The following ACYP2 variants were observed in gnomAD, a reference collection of about 807,000 sequenced individuals.
ACYP2 encodes the protein acylphosphatase 2.
ACYP2 carries 12 observed loss-of-function variants against 11.2 expected under a neutral mutation model. That is an observed-to-expected ratio of 1.08 (90% confidence interval 0.69 to 1.74). ACYP2 has a LOEUF of 1.74. Ranked by LOEUF, ACYP2 falls within the 40% of genes most tolerant of loss-of-function variation. The pLI is 0.00. For synonymous variants in ACYP2, 43 were observed against 32.2 expected, an observed-to-expected ratio of 1.33 and a Z score of -1.13; for missense variants, 134 against 101.9, an observed-to-expected ratio of 1.31 and a Z score of -1.35.
chr2:54,071,173 T>C (rs1398439252), intron 4 of ACYP2, among the ~76,000 whole-genome samples: 2 of 152,194 alleles, frequency 1.3e-5, no homozygotes, highest in Admixed American at 1.3e-4. Context: ...AACCCACAGA[T>C]AACATCACGC....
intron 4 of ACYP2, among the ~76,000 whole-genome samples, chr2:54,062,083 A>C (rs571304628): frequency 3.9e-4 from 59 of 152,308 alleles, no homozygotes; most frequent in African/African-American, 1.4e-3. Flanking sequence ...GAGATATTAC[A>C]AACTATTGTT....
intron 4 of ACYP2, among the ~76,000 whole-genome samples, chr2:54,107,373 A>G (rs1679221078): frequency 6.6e-6 from 1 of 152,082 alleles, no homozygotes; most frequent in Admixed American, 6.5e-5. Context: ...TTTTGTTACT[A>G]TTCTTAGCTT....
chr2:54,168,065 C>T (rs45519036), intron 6 of ACYP2, among the ~76,000 whole-genome samples: 10,507 of 152,152 alleles, frequency 0.069, 516 homozygotes, highest in Non-Finnish European at 0.1. Context: ...ATGTACATTT[C>T]TCAAAACTGT....
intron 6 of ACYP2, among the ~76,000 whole-genome samples, chr2:54,143,934 G>T (rs1456277798): frequency 6.6e-6 from 1 of 151,944 alleles, no homozygotes; most frequent in Non-Finnish European, 1.5e-5. Flanking sequence ...TCTCAATGTT[G>T]ACCTTTAACC....
intron 2 of ACYP2, among the ~76,000 whole-genome samples, chr2:54,007,691 C>T (rs909187876): frequency 2.0e-5 from 3 of 151,564 alleles, no homozygotes; most frequent in Non-Finnish European, 4.4e-5. Flanking sequence ...ATGCGGAAAC[C>T]CTGTCTCTAC....
intron 6 of ACYP2, among the ~76,000 whole-genome samples, chr2:54,270,098 G>A (rs1688214324): frequency 6.6e-6 from 1 of 152,106 alleles, no homozygotes; most frequent in Non-Finnish European, 1.5e-5. Context: ...TATTTTTGAA[G>A]ATTTGGATAA....
At chr2:54,278,606 G>A (rs1415064905) in intron 6 of ACYP2, among the ~76,000 whole-genome samples, 1 of 152,176 alleles carries the variant, frequency 6.6e-6, no homozygotes, top group Non-Finnish European at 1.5e-5. Flanking sequence ...TGGAAAAGTA[G>A]AGAATTGTTG....
chr2:54,096,794 C>A (rs988322560), intron 4 of ACYP2, among the ~76,000 whole-genome samples: 2 of 148,508 alleles, frequency 1.3e-5, no homozygotes, highest in Admixed American at 1.4e-4. Context: ...TACAGTCCAG[C>A]CTTGGCTCGG....
At chr2:54,251,051 T>C (rs1438096140) in intron 6 of ACYP2, among the ~76,000 whole-genome samples, 2 of 152,202 alleles carry the variant, frequency 1.3e-5, no homozygotes, top group Non-Finnish European at 2.9e-5. Flanking sequence ...GATTTGATGA[T>C]CTATTTGGCT....
At chr2:54,177,661 T>C (rs531844788) in intron 6 of ACYP2, among the ~76,000 whole-genome samples, 39 of 151,452 alleles carry the variant, frequency 2.6e-4, no homozygotes, top group African/African-American at 8.5e-4. Context: ...CACTGCAACC[T>C]GTGCCTCCCA....
At chr2:54,281,630 C>G (rs1688853794) in intron 6 of ACYP2, among the ~76,000 whole-genome samples, 1 of 152,116 alleles carries the variant, frequency 6.6e-6, no homozygotes, top group Non-Finnish European at 1.5e-5. Context: ...GAAGTTCCTT[C>G]TAGGCTCTGG....
intron 2 of ACYP2, among the ~76,000 whole-genome samples, chr2:54,020,778 CTTGT>C (rs1322897169): frequency 2.6e-5 from 4 of 152,084 alleles, no homozygotes; most frequent in South Asian, 4.1e-4. Flanking sequence ...TATTTTGTTT[CTTGT>C]TTAATTTTAG....
intron 2 of ACYP2, among the ~76,000 whole-genome samples, chr2:54,046,482 T>TAAA (rs34695884): frequency 1.1e-5 from 1 of 88,784 alleles, no homozygotes. Context: ...CAAGACTGTC[T>TAAA]AAAAAAAAAA....
intron 4 of ACYP2, among the ~76,000 whole-genome samples, chr2:54,094,221 GA>G (rs1272552049): frequency 6.7e-5 from 10 of 148,158 alleles, no homozygotes; most frequent in Non-Finnish European, 1.2e-4. Context: ...ATGGTGGGGA[GA>G]AAAAAAATTT....
At chr2:54,067,062 A>T (rs1676787737) in intron 4 of ACYP2, among the ~76,000 whole-genome samples, 1 of 152,212 alleles carries the variant, frequency 6.6e-6, no homozygotes, top group Non-Finnish European at 1.5e-5. Flanking sequence ...CACTTTTGTC[A>T]TGTAACATTT....
intron 4 of ACYP2, among the ~76,000 whole-genome samples, chr2:54,097,614 C>G (rs990053261): frequency 6.6e-6 from 1 of 151,580 alleles, no homozygotes; most frequent in African/African-American, 2.4e-5. Flanking sequence ...GTATGGTGAA[C>G]CCTAGGAATC....
intron 2 of ACYP2, among the ~76,000 whole-genome samples, chr2:54,002,941 C>G (rs1390757163): frequency 6.6e-6 from 1 of 151,686 alleles, no homozygotes; most frequent in Non-Finnish European, 1.5e-5. Context: ...AGCCACCATG[C>G]CTGGCCTTTT....
intron 4 of ACYP2, among the ~76,000 whole-genome samples, chr2:54,103,561 C>T (rs369729989): frequency 1.2e-4 from 18 of 152,266 alleles, no homozygotes; most frequent in South Asian, 4.1e-4. Flanking sequence ...TATGCTTTTA[C>T]TCATCCTCAT....
chr2:53,983,806 C>T (rs886209819), intron 2 of ACYP2, among the ~76,000 whole-genome samples: 1 of 152,222 alleles, frequency 6.6e-6, no homozygotes, highest in Non-Finnish European at 1.5e-5. Flanking sequence ...AGCATATCCC[C>T]AGCAGAAGCA....
Sources: allele counts gnomAD v4.1 joint callset (sites outside exome capture counted in the v4.1 genomes callset), GRCh38; gene constraint gnomAD v4.1.1; transcripts MANE v1.5; gene names NCBI Gene and HGNC (gene_info 2026-07-23, HGNC 2026-07-21).